Variants in MROH2A observed in about 807,000 individuals in gnomAD.
MROH2A encodes maestro heat-like repeat-containing protein family member 2A.
MROH2A carries 174 observed loss-of-function variants against 200.4 expected under a neutral mutation model. The ratio of observed to expected loss-of-function variants is 0.87; its 90% CI spans 0.77 to 0.98. The LOEUF is 0.98. Ranked by LOEUF, MROH2A falls within the 50% of genes least tolerant of loss-of-function variation. The probability of loss-of-function intolerance (pLI) is 0.00; values close to 1 mark genes in which losing one functional copy is unlikely to be tolerated. For synonymous variants in MROH2A, 829 were observed against 840.4 expected (o/e 0.99, Z 0.23); for missense variants, 2,045 against 2,139.6 (o/e 0.96, Z 0.87).
intron 3 of MROH2A, among the ~76,000 whole-genome samples, chr2:233,784,880 T>C (rs1174582661): frequency 1.3e-5 from 2 of 152,174 alleles, no homozygotes; most frequent in African/African-American, 2.4e-5. Flanking sequence ...CCAGGCGCAG[T>C]GGCTCATGCC....
rs549266977 is a variant in MROH2A, at chr2:233,823,572, G to A, written c.4021G>A (p.Val1341Met). The stretch of plus-strand genomic sequence containing the variant: ...CCTCTGCAGGCTGTGCATGCAGCAC[G>A]TGGAGGGCCACAGGCAGAGGCTGGC... ...SLLARLCMQHVEGHRQRLAEL... is the reference protein window; with the variant it reads ...SLLARLCMQHMEGHRQRLAEL... The change falls in exon 35 of 42, where the codon GTG (valine) becomes ATG (methionine). Residue 1341 changes from valine to methionine, a missense_variant. Physicochemically the swap from Val to Met is conservative, Grantham distance 21. This residue lies in a region of MROH2A where 1,201 missense variants were observed against 1,311.3 expected (regional missense o/e 0.92). Transcript: ENST00000389758. The A allele has an allele frequency of 1.9e-5, 30 of 1,550,252 alleles. No individual in the cohort carries two copies. In the African/African-American group the frequency reaches 2.5e-4, roughly 13 times the overall value.
chr2:233,825,341 G>A (rs958806523), intron 35 of MROH2A, among the ~76,000 whole-genome samples: 27 of 152,120 alleles, frequency 1.8e-4, no homozygotes, highest in African/African-American at 6.3e-4. Flanking sequence ...TGCCCTGGCC[G>A]GAACTTCCAA....
intron 38 of MROH2A, 32 bp downstream of exon 38, chr2:233,829,807 C>G (rs1559486951): frequency 7.7e-7 from 1 of 1,292,004 alleles, no homozygotes. Flanking sequence ...GTGTCCCAGT[C>G]TGGGGCCCGC....
At chr2:233,826,223 A>G (rs1704300911) in intron 35 of MROH2A, among the ~76,000 whole-genome samples, 1 of 151,878 alleles carries the variant, frequency 6.6e-6, no homozygotes, top group South Asian at 2.1e-4. Flanking sequence ...ACGCCCGACC[A>G]CCTCTTTGTA....
chr2:233,785,988 C>G (rs1042581158), intron 3 of MROH2A, among the ~76,000 whole-genome samples: 3 of 152,162 alleles, frequency 2.0e-5, no homozygotes, highest in Non-Finnish European at 4.4e-5. Flanking sequence ...TCCCATAATT[C>G]CCACATGTTG....
chr2:233,796,333 T>C lies in MROH2A; in HGVS notation c.1252+20T>C. 2.7e-4 allele frequency: 1 copy of C among 3,766 alleles called. No individual in the cohort carries two copies. Among genetic ancestry groups the C allele is most frequent in the Non-Finnish European group, 6.3e-4 (1 of 1,580 alleles). 0.2% of individuals were successfully genotyped at this position (3,766 alleles called of 1,614,324 possible). A position where few individuals can be genotyped will look rare whatever the true frequency, so the allele number is the denominator to read the frequency against. ...CAGATGGTGAGCAAGGCAGGGTGGGTGGGGTGGGCGGGGAGGGTGGGGTAG... is the reference window on the plus strand; with the variant it reads ...CAGATGGTGAGCAAGGCAGGGTGGGCGGGGTGGGCGGGGAGGGTGGGGTAG... On this transcript the variant is annotated intron_variant, in intron 11 of 41. Transcript: ENST00000389758.
At position 233,787,469 on chromosome 2, in the gene MROH2A, CACATATACATATATAATATATAT is replaced by C. The variant is rs1370717756; in HGVS notation, c.277-2012_277-1990del. Reference sequence around the variant, plus strand: ...TATACATATATATTATATATATATACACATATACATATATAATATATATACATATACATATATATTATATATAC... The same window carrying C: ...TATACATATATATTATATATATATACACATATACATATATATTATATATAC... On this transcript the variant is annotated intron_variant, in intron 3 of 41. Coordinates refer to ENST00000389758, the MANE Select transcript of MROH2A (RefSeq NM_001394639.1). Among the ~76,000 whole-genome samples the C allele has an allele frequency of 2.6e-3, 339 of 131,554 alleles. 9 individuals carry two copies. The highest frequency in any genetic ancestry group is 9.2e-3 in the African/African-American group (319 of 34,712). The allele number at this position is 131,554 out of a possible 152,430, so 86.3% of individuals were successfully genotyped here. A position where few individuals can be genotyped will look rare whatever the true frequency, so the allele number is the denominator to read the frequency against.
upstream of MROH2A, among the ~76,000 whole-genome samples, chr2:233,776,523 G>A (rs532184816): frequency 2.6e-5 from 4 of 151,520 alleles, no homozygotes; most frequent in African/African-American, 9.7e-5. Context: ...CACCACACCC[G>A]GCTAATTTTT....
At chr2:233,787,217 A>G (rs1409037629) in intron 3 of MROH2A, among the ~76,000 whole-genome samples, 3 of 151,972 alleles carry the variant, frequency 2.0e-5, no homozygotes, top group African/African-American at 7.3e-5. Context: ...TGATCTTCTT[A>G]TAATTTGCCT....
At chr2:233,813,829 C>T (rs1703335595) in intron 25 of MROH2A, 51 bp downstream of exon 25, 6 of 1,031,154 alleles carry the variant, frequency 5.8e-6, no homozygotes, top group African/African-American at 1.6e-5. Flanking sequence ...TGGGAGTTAA[C>T]ATTAACATGG....
At position 233,822,872 on chromosome 2, in the gene MROH2A, T is replaced by C; in HGVS notation, c.3867-9T>C. 6.5e-7 allele frequency: 1 copy of C among 1,550,108 alleles called. No individual in the cohort carries two copies. Among genetic ancestry groups the C allele is most frequent in the Non-Finnish European group, 8.7e-7 (1 of 1,146,696 alleles). On this transcript the variant is annotated splice_polypyrimidine_tract_variant and intron_variant, in intron 33 of 41. Coordinates refer to ENST00000389758, the MANE Select transcript of MROH2A (RefSeq NM_001394639.1). ...GGGCAGCGCATCACAAGCTCCCACC[T>C]CCCTTCAGGGTCACTATCAAGTCCA...
In MROH2A at chr2:233,802,300, G is replaced by A; in HGVS notation, c.1693G>A (p.Gly565Ser). The A allele has an allele frequency of 1.9e-6, 3 of 1,549,754 alleles. No homozygotes were observed. Among genetic ancestry groups the A allele is most frequent in the Non-Finnish European group, 2.6e-6 (3 of 1,146,536 alleles). The change falls in exon 15 of 42, where the codon GGC becomes AGC. Residue 565 changes from glycine to serine, a missense_variant. Gly to Ser is a moderately conservative substitution (Grantham distance 56, BLOSUM62 0). Transcript: ENST00000389758. ...CCAGGATGTGGATGTCAGCGTGGCT[G>A]GCAAGAGCAGGCAAGGTGGGCAAAG... ...HGQDVDVSVA[G>S]KSRQVDLPAP...
At chr2:233,778,226 G>A (rs1399928466), upstream of MROH2A, 1 of 155,092 alleles carries the variant, frequency 6.4e-6, no homozygotes, top group African/African-American at 2.4e-5. Flanking sequence ...TCAAAGACCT[G>A]GGTTGATAGA....
In MROH2A at chr2:233,833,305, A is replaced by C; in HGVS notation, c.*46A>C. 1.4e-6 allele frequency: 2 copies of C among 1,463,134 alleles called. No individual in the cohort carries two copies. The highest frequency in any genetic ancestry group is 1.4e-5 in the South Asian group (1 of 71,962). The allele number at this position is 1,463,134 out of a possible 1,614,324, so 90.6% of individuals were successfully genotyped here. On this transcript the variant is annotated 3_prime_UTR_variant, in exon 42 of 42. Transcript: ENST00000389758. ...AAACTGTCTTCTTAGTGCCAAATGCAAGCCCTTTTTAATTTAGTTTGTAAG... is the reference window on the plus strand; with the variant it reads ...AAACTGTCTTCTTAGTGCCAAATGCCAGCCCTTTTTAATTTAGTTTGTAAG...
rs575584309 is a variant in MROH2A at position 233,797,310 on chromosome 2, A to G, written c.1252+997A>G. 1.8e-4 allele frequency among the ~76,000 whole-genome samples: 27 copies of G among 152,372 alleles called. 1 individual carries two copies. The highest frequency in any genetic ancestry group is 2.6e-4 in the Admixed American group (4 of 15,308). On this transcript the variant is annotated intron_variant, in intron 11 of 41. Coordinates refer to ENST00000389758, the MANE Select transcript of MROH2A (RefSeq NM_001394639.1). ...CACTCAACAATCCAACTTTTTGTCAACCATCCAAAGGACATAATTTCCCAA... is the reference window on the plus strand; with the variant it reads ...CACTCAACAATCCAACTTTTTGTCAGCCATCCAAAGGACATAATTTCCCAA...
chr2:233,789,807 C>A (rs570114264), intron 4 of MROH2A, 45 bp from the exon 5 acceptor site: 59 of 1,520,288 alleles, frequency 3.9e-5, no homozygotes, highest in Non-Finnish European at 4.8e-5. Flanking sequence ...TTCCTGGAGG[C>A]CCGGCTGGTG....
In MROH2A at chr2:233,831,530, G is replaced by A. The variant is rs796962853; in HGVS notation, c.4724G>A (p.Cys1575Tyr). 6.5e-6 allele frequency: 10 copies of A among 1,549,894 alleles called. No individual in the cohort carries two copies. Among genetic ancestry groups the A allele is most frequent in the African/African-American group, 2.7e-5 (2 of 73,102 alleles). The change falls in exon 39 of 42, where the codon TGC becomes TAC. Residue 1575 changes from cysteine (C) to tyrosine (Y), a missense_variant. By Grantham distance (194) the Cys-to-Tyr change is radical (BLOSUM62 -2). This residue lies in a region of MROH2A where 1,201 missense variants were observed against 1,311.3 expected (regional missense o/e 0.92). Coordinates refer to ENST00000389758, the MANE Select transcript of MROH2A (RefSeq NM_001394639.1). Reference protein sequence around the residue: ...DKMTVFQTTMCSILTRKKPAV... With the variant: ...DKMTVFQTTMYSILTRKKPAV... ...ATGACCGTTTTCCAGACAACCATGT[G>A]CTCCATCCTGGTGAGGAAGCCAAAG...
At chr2:233,792,181 T>C (rs1701808446) in intron 5 of MROH2A, among the ~76,000 whole-genome samples, 1 of 152,076 alleles carries the variant, frequency 6.6e-6, no homozygotes, top group Admixed American at 6.6e-5. Context: ...TTCTTGCCCC[T>C]CCTTCCCTGG....
chr2:233,809,056 A>C, intron 21 of MROH2A, 70 bp from the exon 22 acceptor site: 1 of 1,493,144 alleles, frequency 6.7e-7, no homozygotes, highest in Non-Finnish European at 9.0e-7. Flanking sequence ...TTGTGTGGCC[A>C]GAGACCATCA....
Sources: allele counts gnomAD v4.1 joint callset (sites outside exome capture counted in the v4.1 genomes callset), GRCh38; gene constraint gnomAD v4.1.1; regional missense constraint gnomAD v4.1.1; transcripts MANE v1.5; gene names NCBI Gene and HGNC (gene_info 2026-07-23, HGNC 2026-07-21).